Variants in USP46 observed in about 807,000 individuals in gnomAD.
USP46 encodes the protein ubiquitin carboxyl-terminal hydrolase 46.
Under a neutral mutation model 44.4 loss-of-function variants are expected in USP46, and 12 were observed. That is an observed-to-expected ratio of 0.27 (90% confidence interval 0.17 to 0.44). USP46 has a LOEUF of 0.44. Ranked by LOEUF, USP46 falls within the 20% of genes least tolerant of loss-of-function variation. The pLI, the probability that USP46 is intolerant of heterozygous loss-of-function variation, is 1.00. For missense variants in USP46, 248 were observed against 444.8 expected (o/e 0.56, Z 3.98); for synonymous variants, 155 against 161.5 (o/e 0.96, Z 0.31).
intron 1 of USP46, among the ~76,000 whole-genome samples, chr4:52,657,882 C>A (rs1719013995): frequency 6.6e-6 from 1 of 152,202 alleles, no homozygotes; most frequent in Non-Finnish European, 1.5e-5. Flanking sequence ...TGAGCTAACA[C>A]AAGGCTTCTT....
chr4:52,595,291 T>C lies in USP46; in HGVS notation c.*2349A>G, dbSNP rs1333190417. 6.6e-6 allele frequency: 1 copy of C among 152,642 alleles called. No homozygotes were observed. The highest frequency in any genetic ancestry group is 1.5e-5 in the Non-Finnish European group (1 of 68,032). The allele number at this position is 152,642 out of a possible 1,614,324, so 9.5% of individuals were successfully genotyped here. ...CTGTCTTTACATAAAGAGACATGAT[T>C]GGGAGAAACCTGCAGCTGCCCAGTG... On this transcript the variant is annotated 3_prime_UTR_variant, in exon 9 of 9. Transcript: ENST00000441222.
intron 1 of USP46, among the ~76,000 whole-genome samples, chr4:52,643,241 TC>T (rs1391847776): frequency 6.6e-6 from 1 of 152,150 alleles, no homozygotes; most frequent in Non-Finnish European, 1.5e-5. Context: ...CCCTGACCCT[TC>T]CCACTCATAG....
chr4:52,598,427 G>T, intron 8 of USP46: 1 of 572,354 alleles, frequency 1.7e-6, no homozygotes, highest in East Asian at 3.0e-5. Flanking sequence ...AGAACACAGC[G>T]TCAGTGAGTC....
chr4:52,654,022 T>C (rs1238084504), intron 1 of USP46, among the ~76,000 whole-genome samples: 1 of 152,212 alleles, frequency 6.6e-6, no homozygotes, highest in Non-Finnish European at 1.5e-5. Flanking sequence ...GGTATCATAA[T>C]CTTTCATTCT....
Position 52,597,717 on chromosome 4 carries a change from C to T in USP46, c.1024G>A (p.Glu342Lys). 1 of 1,601,326 alleles carries T rather than the reference C, an allele frequency of 6.2e-7. No homozygotes were observed. Among genetic ancestry groups the T allele is most frequent in the African/African-American group, 1.3e-5 (1 of 74,732 alleles). Reference sequence around the variant, plus strand: ...ATATCTGACGTCAGGCCATAGAATTCTTCAATAGCTTGAGCATCTATTTTC... The same window carrying T: ...ATATCTGACGTCAGGCCATAGAATTTTTCAATAGCTTGAGCATCTATTTTC... Reference protein sequence around the residue: ...VEKIDAQAIEEFYGLTSDISK... With the variant: ...VEKIDAQAIEKFYGLTSDISK... Residue 342 changes from glutamate to lysine, a missense_variant, in exon 9 of 9, where the codon GAA (glutamate) becomes AAA (lysine). Transcript: ENST00000441222.
intron 1 of USP46, among the ~76,000 whole-genome samples, chr4:52,641,585 GA>G (rs1437332509): frequency 6.6e-6 from 1 of 152,130 alleles, no homozygotes; most frequent in Admixed American, 6.5e-5. Flanking sequence ...CCAGAAGGAG[GA>G]AATAATCAAA....
intron 4 of USP46, among the ~76,000 whole-genome samples, chr4:52,614,620 T>C (rs549705546): frequency 1.3e-5 from 2 of 152,286 alleles, no homozygotes; most frequent in South Asian, 4.1e-4. Context: ...GAGACCTGCA[T>C]CACAAGAAAG....
intron 2 of USP46, among the ~76,000 whole-genome samples, chr4:52,628,942 AG>A (rs1717703946): frequency 6.6e-6 from 1 of 152,256 alleles, no homozygotes; most frequent in Non-Finnish European, 1.5e-5. Context: ...ATTATTAAAG[AG>A]GGAAAACGTC....
Position 52,614,074 on chromosome 4 carries a change from T to C in USP46, c.562-3457A>G, listed in dbSNP as rs564586752. 5.9e-5 allele frequency among the ~76,000 whole-genome samples: 9 copies of C among 151,802 alleles called. No individual in the cohort carries two copies. The East Asian group carries it at 1.7e-3, about 30-fold the overall frequency. On this transcript the variant is annotated intron_variant, in intron 4 of 8. Coordinates refer to ENST00000441222, the MANE Select transcript of USP46 (RefSeq NM_022832.4). ...ACATTGAATGAATTTAACAGCAAAG[T>C]GGAGGTGACAGAGGAAAAAACAAGT...
chr4:52,647,606 A>G (rs1034735950), intron 1 of USP46, among the ~76,000 whole-genome samples: 3 of 152,226 alleles, frequency 2.0e-5, no homozygotes, highest in African/African-American at 7.2e-5. Context: ...GGAAAAGGAA[A>G]AACATTGTAT....
intron 1 of USP46, among the ~76,000 whole-genome samples, chr4:52,632,071 G>C (rs1380254898): frequency 6.6e-6 from 1 of 152,014 alleles, no homozygotes; most frequent in Non-Finnish European, 1.5e-5. Flanking sequence ...AGGGGAAAGA[G>C]AGGTAAGTGA....
At chr4:52,648,590 CCA>C (rs938669818) in intron 1 of USP46, among the ~76,000 whole-genome samples, 7 of 152,130 alleles carry the variant, frequency 4.6e-5, no homozygotes, top group African/African-American at 1.2e-4. Flanking sequence ...TGGATCCATC[CCA>C]CAGTTTTTCT....
chr4:52,611,367 A>T (rs2109608517), intron 4 of USP46, among the ~76,000 whole-genome samples: 1 of 152,328 alleles, frequency 6.6e-6, no homozygotes, highest in Admixed American at 6.5e-5. Flanking sequence ...AGGCTCACTG[A>T]ATAAGTGCTT....
At chr4:52,656,410 G>A in intron 1 of USP46, 1 of 783,616 alleles carries the variant, frequency 1.3e-6, no homozygotes, top group South Asian at 1.6e-5. Flanking sequence ...CTCTGGGAAG[G>A]AAGACTGGGA....
At chr4:52,610,474 C>T in intron 5 of USP46, 67 bp downstream of exon 5, 1 of 1,370,992 alleles carries the variant, frequency 7.3e-7, no homozygotes, top group South Asian at 1.2e-5. Flanking sequence ...TGAAGAAATA[C>T]AGGATTTTCT....
At position 52,597,649 on chromosome 4, in the gene USP46, T is replaced by C; in HGVS notation, c.1092A>G (p.Ser364=). The C allele has an allele frequency of 6.3e-7, 1 of 1,583,132 alleles. No homozygotes were observed. The highest frequency in any genetic ancestry group is 1.2e-5 in the South Asian group (1 of 86,822). The part of the protein sequence containing the change: ...SESGYILFYQ[S]RE ...CCCGCAGGTCTTTCAGTTACTCTCT[T>C]GACTGATAGAATAAAATATATCCAG... The change falls in exon 9 of 9, where the codon TCA becomes TCG. Residue 364 remains serine, a synonymous_variant. Coordinates refer to ENST00000441222, the MANE Select transcript of USP46 (RefSeq NM_022832.4).
chr4:52,647,248 G>T (rs987728205), intron 1 of USP46, among the ~76,000 whole-genome samples: 1 of 152,152 alleles, frequency 6.6e-6, no homozygotes, highest in Non-Finnish European at 1.5e-5. Flanking sequence ...TGTACTCTTT[G>T]TGTTTTTAAA....
At chr4:52,644,679 C>A (rs977620496) in intron 1 of USP46, among the ~76,000 whole-genome samples, 2 of 141,254 alleles carry the variant, frequency 1.4e-5, no homozygotes, top group African/African-American at 5.2e-5. Context: ...TTGTCTTCCA[C>A]AAAACCTGTC....
intron 1 of USP46, among the ~76,000 whole-genome samples, chr4:52,639,045 C>G (rs1486390134): frequency 6.6e-6 from 1 of 152,136 alleles, no homozygotes; most frequent in Non-Finnish European, 1.5e-5. Flanking sequence ...TAACGTGAAT[C>G]TTTGTGCATC....
Sources: gnomAD v4.1 joint callset for allele counts (sites outside exome capture counted in the v4.1 genomes callset) on GRCh38, gnomAD v4.1.1 for gene constraint, MANE v1.5 for transcripts, NCBI Gene and HGNC (gene_info 2026-07-23, HGNC 2026-07-21) for gene names.